The following PTK2 variants were observed in gnomAD, a reference collection of about 807,000 sequenced individuals.
PTK2 encodes protein tyrosine kinase 2, also known as focal adhesion kinase 1.
PTK2 carries 45 observed loss-of-function variants against 150.1 expected under a neutral mutation model. The observed-to-expected ratio is 0.30, with a 90% confidence interval of 0.24 to 0.38. PTK2 has a LOEUF of 0.38. PTK2 is among the 10% of genes least tolerant of loss of function. PTK2 has a pLI of 1.00. For synonymous variants in PTK2, 432 were observed against 449.2 expected (o/e 0.96, Z 0.48); for missense variants, 919 against 1,307.3 (o/e 0.70, Z 4.58).
intron 2 of PTK2, among the ~76,000 whole-genome samples, chr8:140,917,041 C>G (rs1447389072): frequency 1.3e-5 from 2 of 152,088 alleles, no homozygotes; most frequent in Non-Finnish European, 1.5e-5. Context: ...TTAGCTATTA[C>G]TATAAGAAGC....
chr8:140,861,298 A>G (rs2100135946), intron 5 of PTK2, among the ~76,000 whole-genome samples: 1 of 152,234 alleles, frequency 6.6e-6, no homozygotes, highest in African/African-American at 2.4e-5. Flanking sequence ...GCAGTGAGGT[A>G]TAATCATGCC....
At chr8:140,698,690 C>A (rs1418367959) in intron 26 of PTK2, among the ~76,000 whole-genome samples, 4 of 152,178 alleles carry the variant, frequency 2.6e-5, no homozygotes, top group Admixed American at 2.6e-4. Context: ...TCTTGGCTCA[C>A]TGCAACCTCC....
intron 13 of PTK2, among the ~76,000 whole-genome samples, chr8:140,792,580 G>T (rs2100089105): frequency 1.3e-5 from 2 of 152,348 alleles, no homozygotes; most frequent in South Asian, 4.1e-4. Context: ...TACTTGGGTA[G>T]CCCAGATAGC....
chr8:140,735,630 T>C (rs1448474686), intron 21 of PTK2, among the ~76,000 whole-genome samples, 175 bp from the exon 25 acceptor site: 1 of 152,180 alleles, frequency 6.6e-6, no homozygotes, highest in African/African-American at 2.4e-5. Context: ...CGATTTAACA[T>C]GATGTAAATA....
intron 17 of PTK2, among the ~76,000 whole-genome samples, chr8:140,747,940 T>G (rs1437019506): frequency 1.3e-5 from 2 of 152,026 alleles, no homozygotes; most frequent in Non-Finnish European, 2.9e-5. Context: ...AGCAACCATC[T>G]TTACAGTAAA....
chr8:140,659,780 C>A, intron 31 of PTK2, 102 bp from the exon 36 acceptor site: 2 of 1,059,386 alleles, frequency 1.9e-6, no homozygotes, highest in Non-Finnish European at 2.7e-6. Flanking sequence ...GCCTCAAACT[C>A]CTGGGCTCAA....
chr8:140,989,557 A>T lies in PTK2; in HGVS notation c.-122+11568T>A, dbSNP rs530315177. ...AAAAAAAAAAAAGAAGACCTAATAG[A>T]AAAATACAGGCACTTGGCAAAACAG... is the stretch of plus-strand genomic sequence containing the variant. On this transcript the variant is annotated intron_variant, in intron 1 of 31. Coordinates refer to ENST00000522684, the Ensembl canonical transcript of PTK2. Among the ~76,000 whole-genome samples, 4 of 152,176 alleles carry T rather than the reference A, an allele frequency of 2.6e-5. No individual in the cohort carries two copies. In the East Asian group the frequency reaches 7.7e-4, roughly 29 times the overall value.
At chr8:140,703,737 C>T (rs542770714) in intron 24 of PTK2, among the ~76,000 whole-genome samples, 1 of 152,286 alleles carries the variant, frequency 6.6e-6, no homozygotes, top group South Asian at 2.1e-4. Context: ...TTCAGTTGGA[C>T]ATAGAGAAAA....
At chr8:140,797,516 A>T (rs2100092421) in intron 12 of PTK2, among the ~76,000 whole-genome samples, 1 of 152,212 alleles carries the variant, frequency 6.6e-6, no homozygotes, top group Admixed American at 6.5e-5. Context: ...CATGCTTAGA[A>T]GCATTCACTC....
chr8:140,989,876 C>T (rs181910455), intron 1 of PTK2, among the ~76,000 whole-genome samples: 2 of 149,792 alleles, frequency 1.3e-5, no homozygotes, highest in East Asian at 3.9e-4. Flanking sequence ...CCAGTGCACT[C>T]CAGTCTGGGC....
At position 140,714,498 on chromosome 8, in the gene PTK2, A is replaced by T. The variant is rs1344248951; in HGVS notation, c.2142+3100T>A. Among the ~76,000 whole-genome samples the T allele has an allele frequency of 2.0e-5, 3 of 151,908 alleles. No homozygotes were observed. The East Asian group carries it at 5.8e-4, about 29-fold the overall frequency. ...AGGAAGGAAGGAAGAAATAAAAAAA[A>T]AAAATCTAAGTAAGACAGCCGGGCG... On this transcript the variant is annotated intron_variant, in intron 23 of 31. Transcript: ENST00000522684.
At chr8:140,754,884 C>T (rs1189747374) in intron 16 of PTK2, among the ~76,000 whole-genome samples, 2 of 152,102 alleles carry the variant, frequency 1.3e-5, no homozygotes, top group African/African-American at 2.4e-5. Flanking sequence ...AAGACCAGAA[C>T]GTGTGCAAAG....
chr8:140,769,750 C>T (rs927580172), intron 14 of PTK2, among the ~76,000 whole-genome samples, 158 bp from the exon 16 acceptor site: 14 of 152,016 alleles, frequency 9.2e-5, no homozygotes, highest in African/African-American at 2.2e-4. Context: ...GGGTTTAATT[C>T]AAAAGATAAA....
intron 27 of PTK2, among the ~76,000 whole-genome samples, chr8:140,678,841 C>T (rs761488685): frequency 5.9e-5 from 9 of 151,718 alleles, no homozygotes; most frequent in Non-Finnish European, 1.0e-4. Context: ...ATGGTGGAAA[C>T]GGGCCAATAC....
chr8:140,901,307 C>T (rs924788224), intron 2 of PTK2, among the ~76,000 whole-genome samples: 1 of 152,092 alleles, frequency 6.6e-6, no homozygotes, highest in Non-Finnish European at 1.5e-5. Context: ...AGACCTGAAA[C>T]TATGGAATTA....
At chr8:140,873,057 C>T (rs11167005) in intron 4 of PTK2, among the ~76,000 whole-genome samples, 62,619 of 152,090 alleles carry the variant, frequency 0.41, 15,001 homozygotes, top group Non-Finnish European at 0.55. Context: ...CTTGTCACTG[C>T]TTATGCCATG....
At chr8:140,751,585 G>T (rs2100062701) in intron 17 of PTK2, among the ~76,000 whole-genome samples, 1 of 151,848 alleles carries the variant, frequency 6.6e-6, no homozygotes, top group Admixed American at 6.6e-5. Flanking sequence ...TCCCTCTCTG[G>T]GGTTCAAGCT....
At chr8:140,725,110 T>G (rs991584902) in intron 22 of PTK2, among the ~76,000 whole-genome samples, 2 of 152,204 alleles carry the variant, frequency 1.3e-5, no homozygotes, top group African/African-American at 4.8e-5. Flanking sequence ...AAAAAAACCC[T>G]GATATCCACT....
intron 5 of PTK2, among the ~76,000 whole-genome samples, chr8:140,855,797 T>G (rs2100132209): frequency 6.6e-6 from 1 of 152,170 alleles, no homozygotes; most frequent in South Asian, 2.1e-4. Context: ...GGGGAAATAT[T>G]GTCTATAGAC....
Sources: gnomAD v4.1 joint callset for allele counts (sites outside exome capture counted in the v4.1 genomes callset) on GRCh38, gnomAD v4.1.1 for gene constraint, MANE v1.5 for transcripts, NCBI Gene and HGNC (gene_info 2026-07-23, HGNC 2026-07-21) for gene names.